ACTR3C: variants seen among roughly 807,000 people sequenced by gnomAD.
ACTR3C encodes the protein actin-related protein 3C.
In ACTR3C, 18 loss-of-function variants were observed where a neutral mutation model predicts 26.3. The ratio of observed to expected loss-of-function variants is 0.68; its 90% CI spans 0.47 to 1.01. The LOEUF (loss-of-function observed/expected upper bound fraction) is 1.01. ACTR3C is among the 50% of genes least tolerant of loss of function. The pLI, the probability that ACTR3C is intolerant of heterozygous loss-of-function variation, is 0.00. For missense variants in ACTR3C, 184 were observed against 250.7 expected, an observed-to-expected ratio of 0.73 and a Z score of 1.80; for synonymous variants, 55 against 94.5, an observed-to-expected ratio of 0.58 and a Z score of 2.42.
the ACTR3C span, among the ~76,000 whole-genome samples, chr7:150,197,672 T>C: frequency 6.6e-6 from 1 of 152,214 alleles, no homozygotes; most frequent in Non-Finnish European, 1.5e-5. Flanking sequence ...GAGACATTCA[T>C]AGCCAGCTCC....
the ACTR3C span, among the ~76,000 whole-genome samples, chr7:149,989,055 C>T: frequency 6.6e-6 from 1 of 152,136 alleles, no homozygotes; most frequent in African/African-American, 2.4e-5. Context: ...TCCAGAGCTC[C>T]AGAGTAGGGA....
chr7:150,077,981 G>A, the ACTR3C span, among the ~76,000 whole-genome samples: 6 of 152,216 alleles, frequency 3.9e-5, no homozygotes, highest in African/African-American at 1.2e-4. Context: ...CCAACTTCAC[G>A]CTCCACACAT....
At chr7:150,266,827 A>G (rs941375380) in intron 6 of ACTR3C, among the ~76,000 whole-genome samples, 1 of 152,248 alleles carries the variant, frequency 6.6e-6, no homozygotes, top group Non-Finnish European at 1.5e-5. Context: ...AAGACAGTCA[A>G]CAATATTTGT....
the ACTR3C span, among the ~76,000 whole-genome samples, chr7:150,070,759 C>T: frequency 6.6e-6 from 1 of 150,918 alleles, no homozygotes; most frequent in Non-Finnish European, 1.5e-5. Context: ...CCTAAAATTG[C>T]TAATTTTTGA....
At chr7:150,280,818 G>GTGTGTGTA (rs1311848604) in intron 6 of ACTR3C, among the ~76,000 whole-genome samples, 1 of 140,972 alleles carries the variant, frequency 7.1e-6, no homozygotes, top group East Asian at 2.0e-4. Flanking sequence ...GTGTGTGTGT[G>GTGTGTGTA]TATATATATA....
chr7:150,203,424 T>C, the ACTR3C span, among the ~76,000 whole-genome samples: 7 of 152,356 alleles, frequency 4.6e-5, no homozygotes, highest in African/African-American at 1.7e-4. Flanking sequence ...AGCTGTGTCC[T>C]CCACTGCTCT....
chr7:150,047,794 G>A, the ACTR3C span: 19 of 1,528,810 alleles, frequency 1.2e-5, no homozygotes, highest in South Asian at 1.2e-5. Flanking sequence ...GCCTCCGGGG[G>A]CGTGGGGAAG....
chr7:150,319,814 A>G (rs1368020212), intron 1 of ACTR3C, among the ~76,000 whole-genome samples: 1 of 152,202 alleles, frequency 6.6e-6, no homozygotes, highest in Non-Finnish European at 1.5e-5. Flanking sequence ...CCCTGCAAAC[A>G]GGGCAAACAG....
the ACTR3C span, among the ~76,000 whole-genome samples, chr7:150,134,438 G>A: frequency 2.6e-5 from 4 of 152,324 alleles, no homozygotes; most frequent in South Asian, 6.2e-4. Context: ...GTGAGGATGC[G>A]TGTTTTCTCT....
the ACTR3C span, among the ~76,000 whole-genome samples, chr7:150,172,687 C>T: frequency 1.3e-5 from 2 of 150,544 alleles, no homozygotes; most frequent in Admixed American, 6.6e-5. Flanking sequence ...AAAGTCTCAT[C>T]TGAGACAAGG....
chr7:150,133,197 G>C, the ACTR3C span, among the ~76,000 whole-genome samples: 2 of 152,118 alleles, frequency 1.3e-5, no homozygotes, highest in African/African-American at 2.4e-5. Flanking sequence ...CTGATGTTAG[G>C]TTGGACGCGA....
chr7:150,035,814 C>T, the ACTR3C span, among the ~76,000 whole-genome samples: 2 of 132,492 alleles, frequency 1.5e-5, no homozygotes, highest in Non-Finnish European at 3.4e-5. Context: ...GGGACTGGCT[C>T]TCAGTCCCTG....
the ACTR3C span, among the ~76,000 whole-genome samples, chr7:149,985,207 A>AAC: frequency 0.21 from 26,874 of 130,598 alleles, 2,762 homozygotes; most frequent in Admixed American, 0.25. Context: ...CAAACAAAGC[A>AAC]ACACACACAC....
chr7:150,067,264 T>C, the ACTR3C span, among the ~76,000 whole-genome samples: 1 of 152,208 alleles, frequency 6.6e-6, no homozygotes, highest in Non-Finnish European at 1.5e-5. Flanking sequence ...TCAGTTTGAC[T>C]GTCTTCATTT....
the ACTR3C span, among the ~76,000 whole-genome samples, chr7:149,999,374 CA>C: frequency 6.6e-6 from 1 of 150,832 alleles, no homozygotes; most frequent in Non-Finnish European, 1.5e-5. Context: ...AGCGTTCAAT[CA>C]GACGGGTCCT....
the ACTR3C span, among the ~76,000 whole-genome samples, chr7:150,013,818 T>C: frequency 6.6e-6 from 1 of 152,162 alleles, no homozygotes; most frequent in Admixed American, 6.5e-5. Flanking sequence ...GAAGAGGGCA[T>C]GATGGAGGCT....
At chr7:150,027,061 C>T in the ACTR3C span, among the ~76,000 whole-genome samples, 10 of 152,102 alleles carry the variant, frequency 6.6e-5, no homozygotes, top group East Asian at 1.6e-3. Flanking sequence ...GGTGGTCTGA[C>T]TGCCTAAGAA....
At chr7:150,035,196 C>CT in the ACTR3C span, among the ~76,000 whole-genome samples, 1 of 132,784 alleles carries the variant, frequency 7.5e-6, no homozygotes. Flanking sequence ...TCAGTCCCCG[C>CT]CTCACGGGGG....
downstream of ACTR3C, among the ~76,000 whole-genome samples, chr7:150,239,534 C>CTATATATATA (rs1176995983): frequency 5.9e-5 from 7 of 118,418 alleles, no homozygotes; most frequent in Non-Finnish European, 9.9e-5. Flanking sequence ...CTCTCTCTCT[C>CTATATATATA]TCTCTCTATA....
Sources: allele counts gnomAD v4.1 joint callset (sites outside exome capture counted in the v4.1 genomes callset), GRCh38; gene constraint gnomAD v4.1.1; transcripts MANE v1.5; gene names NCBI Gene and HGNC (gene_info 2026-07-23, HGNC 2026-07-21).